DST: variants seen among roughly 807,000 people sequenced by gnomAD.
DST encodes the protein dystonin, also known as bullous pemphigoid antigen.
Under a neutral mutation model 875.2 loss-of-function variants are expected in DST, and 253 were observed. That is an observed-to-expected ratio of 0.29 (90% CI 0.26 to 0.32). The LOEUF (loss-of-function observed/expected upper bound fraction) is 0.32. Among genes scored for constraint, DST ranks in the 10% least tolerant of loss-of-function variants. DST has a pLI of 1.00. For missense variants in DST, 8,287 were observed against 9,111.6 expected, an observed-to-expected ratio of 0.91 and a Z score of 3.68; for synonymous variants, 3,124 against 3,197.1, an observed-to-expected ratio of 0.98 and a Z score of 0.77.
chr6:56,500,482 A>G (rs1057025172), intron 80 of DST, among the ~76,000 whole-genome samples: 2 of 152,148 alleles, frequency 1.3e-5, no homozygotes, highest in Non-Finnish European at 2.9e-5. Context: ...ACAACTTTTT[A>G]AAACGTAATA....
chr6:56,500,934 G>A (rs1443992159), intron 80 of DST, 146 bp downstream of exon 80: 5 of 755,648 alleles, frequency 6.6e-6, no homozygotes, highest in Non-Finnish European at 9.9e-6. Flanking sequence ...GTTTTAAGTA[G>A]TTAACCTTTA....
At chr6:56,843,652 T>C in intron 4 of DST, 1 of 983,686 alleles carries the variant, frequency 1.0e-6, no homozygotes, top group Non-Finnish European at 1.2e-6. Context: ...ATCTGCGGCA[T>C]TTCCTGGCCG....
chr6:56,629,265 A>T lies in DST; in HGVS notation c.4460T>A (p.Val1487Glu), dbSNP rs2152755794. 6.2e-7 allele frequency: 1 copy of T among 1,613,768 alleles called. No homozygotes were observed. Among genetic ancestry groups the T allele is most frequent in the South Asian group, 1.1e-5 (1 of 91,074 alleles). Residue 1487 changes from valine to glutamate, a missense_variant, in exon 32 of 104, where the codon GTG becomes GAG. Val to Glu is a moderately radical substitution (Grantham distance 121, BLOSUM62 -2). This residue lies in a region of DST where 3,138 missense variants were observed against 3,116.6 expected (regional missense o/e 1.01). Transcript: ENST00000680361. ...GGATACTAACCTGTTGTCAATCTGC[A>T]CATGAACATTTTGCCACCTTTCAAC... is the stretch of plus-strand genomic sequence containing the variant. The part of the protein sequence containing the change: ...QLVERWQNVH[V>E]QIDNRLRDLE...
At chr6:56,788,128 CAAAAAAAAA>C (rs781369739) in intron 4 of DST, among the ~76,000 whole-genome samples, 40 of 26,582 alleles carry the variant, frequency 1.5e-3, no homozygotes, top group African/African-American at 1.8e-3. Flanking sequence ...GACTCCGTCT[CAAAAAAAAA>C]AAAAAAAAAA....
chr6:56,581,443 GAA>G (rs2097988829), intron 49 of DST, among the ~76,000 whole-genome samples: 1 of 152,186 alleles, frequency 6.6e-6, no homozygotes, highest in South Asian at 2.1e-4. Context: ...AACTGCTTCG[GAA>G]AGGATAATGT....
intron 2 of DST, among the ~76,000 whole-genome samples, chr6:56,946,530 G>C (rs982276101): frequency 1.3e-5 from 2 of 152,180 alleles, no homozygotes; most frequent in Non-Finnish European, 2.9e-5. Flanking sequence ...CAGCAGAGAA[G>C]GAGCAATTGA....
At chr6:56,586,895 C>T (rs991666176) in intron 49 of DST, among the ~76,000 whole-genome samples, 3 of 152,078 alleles carry the variant, frequency 2.0e-5, no homozygotes, top group African/African-American at 7.2e-5. Flanking sequence ...GACATCCACA[C>T]CAAAAACCCA....
At chr6:56,486,974 C>T in intron 87 of DST, 130 bp downstream of exon 87, 1 of 797,590 alleles carries the variant, frequency 1.3e-6, no homozygotes, top group South Asian at 2.0e-5. Flanking sequence ...GTGTGGGATA[C>T]TTAGGACAAG....
intron 103 of DST, among the ~76,000 whole-genome samples, chr6:56,459,900 T>C (rs1344226404): frequency 6.6e-6 from 1 of 152,174 alleles, no homozygotes; most frequent in East Asian, 1.9e-4. Flanking sequence ...AATACCACTG[T>C]ATATTTTCCT....
chr6:56,891,506 C>T lies in DST; in HGVS notation c.417+8915G>A, dbSNP rs1266073832. On this transcript the variant is annotated intron_variant, in intron 3 of 103. Coordinates refer to ENST00000680361, the MANE Select transcript of DST (RefSeq NM_001374736.1). ...GGCGTGAACCGGGAGGTGGAGCTTG[C>T]AGTGAGCCGAGATTGAGCCACTGCA... Among the ~76,000 whole-genome samples the T allele has an allele frequency of 2.7e-5, 4 of 146,774 alleles. No individual in the cohort carries two copies. In the East Asian group the frequency reaches 8.1e-4, roughly 30 times the overall value.
chr6:56,777,663 T>A (rs1041475525), intron 4 of DST, among the ~76,000 whole-genome samples: 4 of 152,006 alleles, frequency 2.6e-5, no homozygotes, highest in Admixed American at 6.6e-5. Flanking sequence ...CTCTGTCATA[T>A]GAAGTGAATC....
At chr6:56,923,218 C>A (rs891049023) in intron 2 of DST, among the ~76,000 whole-genome samples, 15 of 151,686 alleles carry the variant, frequency 9.9e-5, no homozygotes, top group African/African-American at 3.4e-4. Flanking sequence ...CAAAAATTCC[C>A]TTAAATTTTT....
At chr6:56,462,273 T>C (rs1339495314) in intron 102 of DST, among the ~76,000 whole-genome samples, 2 of 152,196 alleles carry the variant, frequency 1.3e-5, no homozygotes, top group East Asian at 1.9e-4. Context: ...TAAAAAGATA[T>C]ACAGCTGATT....
chr6:56,834,640 G>T (rs2099791356), intron 4 of DST, among the ~76,000 whole-genome samples: 1 of 151,724 alleles, frequency 6.6e-6, no homozygotes. Context: ...TTAGGGAACT[G>T]CAAATTAAAA....
intron 61 of DST, among the ~76,000 whole-genome samples, chr6:56,544,841 A>C (rs1467858751): frequency 6.6e-6 from 1 of 152,214 alleles, no homozygotes; most frequent in African/African-American, 2.4e-5. Context: ...TCACATTCCA[A>C]AGTCTTACCT....
intron 75 of DST, among the ~76,000 whole-genome samples, chr6:56,508,212 T>C (rs2096386294): frequency 6.6e-6 from 1 of 152,110 alleles, no homozygotes; most frequent in Non-Finnish European, 1.5e-5. Context: ...TTTTGTACTT[T>C]TAGTAGAGAC....
chr6:56,490,536 C>T (rs2095702009), intron 85 of DST, among the ~76,000 whole-genome samples: 3 of 152,104 alleles, frequency 2.0e-5, no homozygotes, highest in African/African-American at 7.2e-5. Flanking sequence ...ACTCACAAAA[C>T]TGTAAGGGCT....
At chr6:56,941,632 C>A (rs2127787741) in intron 2 of DST, among the ~76,000 whole-genome samples, 1 of 152,230 alleles carries the variant, frequency 6.6e-6, no homozygotes, top group African/African-American at 2.4e-5. Flanking sequence ...ACAGTGCATG[C>A]CACTAAGCTT....
Position 56,600,066 on chromosome 6 carries a change from T to TAC in DST, c.11694+1_11694+2dup, listed in dbSNP as rs752591146. 1.2e-5 allele frequency: 20 copies of TAC among 1,609,612 alleles called. No homozygotes were observed. In the African/African-American group the frequency reaches 2.7e-4, roughly 22 times the overall value. On this transcript the variant is annotated splice_region_variant and intron_variant, in intron 45 of 103. Transcript: ENST00000680361. ...GATCTGCTGATAGAAAACCAAATTC[T>TAC]ACCTCTTGCTTGGACTGATATTTCT...
Sources: allele counts gnomAD v4.1 joint callset (sites outside exome capture counted in the v4.1 genomes callset), GRCh38; gene constraint gnomAD v4.1.1; regional missense constraint gnomAD v4.1.1; transcripts MANE v1.5; gene names NCBI Gene and HGNC (gene_info 2026-07-23, HGNC 2026-07-21).